PKHD1L1: variants seen among roughly 807,000 people sequenced by gnomAD.
PKHD1L1 encodes the protein fibrocystin-L.
PKHD1L1 carries 434 observed loss-of-function variants against 462.9 expected under a neutral mutation model. That is an observed-to-expected ratio of 0.94 (90% confidence interval 0.87 to 1.02). The LOEUF is 1.02. Ranked by LOEUF, PKHD1L1 falls within the 50% of genes least tolerant of loss-of-function variation. The probability of loss-of-function intolerance (pLI) is 0.00; values close to 1 mark genes in which losing one functional copy is unlikely to be tolerated. For missense variants in PKHD1L1, 5,202 were observed against 5,096.1 expected, an observed-to-expected ratio of 1.02 and a Z score of -0.63; for synonymous variants, 1,781 against 1,750.0, an observed-to-expected ratio of 1.02 and a Z score of -0.44.
chr8:109,435,418 T>C (rs1411163268), intron 29 of PKHD1L1, 64 bp downstream of exon 29: 1 of 1,529,610 alleles, frequency 6.5e-7, no homozygotes, highest in Non-Finnish European at 8.9e-7. Context: ...AATGTGCTGT[T>C]TCTAGTACAG....
At chr8:109,387,460 G>T (rs931745962) in intron 6 of PKHD1L1, among the ~76,000 whole-genome samples, 1 of 152,134 alleles carries the variant, frequency 6.6e-6, no homozygotes, top group African/African-American at 2.4e-5. Flanking sequence ...GTTATTGTCT[G>T]CAGGCTTGGG....
intron 46 of PKHD1L1, among the ~76,000 whole-genome samples, chr8:109,458,135 CCTTA>C (rs1803820344): frequency 6.6e-6 from 1 of 152,012 alleles, no homozygotes; most frequent in Admixed American, 6.6e-5. Flanking sequence ...TCTATTTTAT[CCTTA>C]CTATCCTTTG....
intron 55 of PKHD1L1, 51 bp downstream of exon 55, chr8:109,480,190 T>C (rs886106242): frequency 4.0e-6 from 6 of 1,483,730 alleles, no homozygotes; most frequent in East Asian, 2.5e-5. Context: ...AATTCTAAAA[T>C]GTGTATTTAC....
At chr8:109,412,590 A>C (rs1409832156) in intron 20 of PKHD1L1, among the ~76,000 whole-genome samples, 176 bp downstream of exon 20, 1 of 152,130 alleles carries the variant, frequency 6.6e-6, no homozygotes, top group Non-Finnish European at 1.5e-5. Flanking sequence ...GATTCTCAAA[A>C]TAATAGATAT....
rs1372975531 is a variant in PKHD1L1, at chr8:109,473,530, AG to A, written c.8606-1587del. On this transcript the variant is annotated intron_variant, in intron 50 of 77. Coordinates refer to ENST00000378402, the MANE Select transcript of PKHD1L1 (RefSeq NM_177531.6). The stretch of plus-strand genomic sequence containing the variant: ...GACTCCATCTCAAGAAAAAAAAAAA[AG>A]AAAAGAAAAAGAAAGAAAAGAACTC... 2.0e-5 allele frequency among the ~76,000 whole-genome samples: 3 copies of A among 151,020 alleles called. 1 individual carries two copies. The highest frequency in any genetic ancestry group is 4.2e-4 in the South Asian group (2 of 4,812).
chr8:109,406,418 G>C lies in PKHD1L1; in HGVS notation c.1753G>C (p.Val585Leu), dbSNP rs1466839731. ...GTCTATAAAACCGGACACAGTTCAA[G>C]TAATAAGAACACAAAATCCCCAGAG... ...LWSIKPDTVQ[V>L]IRTQNPQSYV... Residue 585 changes from valine (V) to leucine (L), a missense_variant, in exon 17 of 78, where the codon GTA becomes CTA. By Grantham distance (32) the Val-to-Leu change is conservative. Around this residue, in one of 3 missense-constraint regions of PKHD1L1, gnomAD observed 4,497 missense variants for 4,336.8 expected, o/e 1.04. Transcript: ENST00000378402. The C allele has an allele frequency of 1.9e-6, 3 of 1,594,012 alleles. No individual in the cohort carries two copies. Among genetic ancestry groups the C allele is most frequent in the Non-Finnish European group, 2.6e-6 (3 of 1,169,620 alleles).
chr8:109,410,712 T>G (rs149882116), intron 19 of PKHD1L1, among the ~76,000 whole-genome samples: 200 of 125,496 alleles, frequency 1.6e-3, no homozygotes, highest in African/African-American at 5.9e-3. Context: ...TCTTTTTTCT[T>G]TTCTTTTCTT....
In PKHD1L1 at chr8:109,444,811, T is replaced by C; in HGVS notation, c.4942T>C (p.Ser1648Pro). 3 of 1,614,010 alleles carry C rather than the reference T, an allele frequency of 1.9e-6. No homozygotes were observed. The highest frequency in any genetic ancestry group is 2.5e-6 in the Non-Finnish European group (3 of 1,179,894). The change falls in exon 38 of 78, where the codon TCC becomes CCC. Residue 1648 changes from serine (S) to proline (P), a missense_variant. By Grantham distance (74) the Ser-to-Pro change is moderately conservative. This residue lies in a region of PKHD1L1 where 4,497 missense variants were observed against 4,336.8 expected (regional missense o/e 1.04). Transcript: ENST00000378402. ...YNLGTAINTL[S>P]NEFDRRFVLL... Reference sequence around the variant, plus strand: ...CCTGGGCACTGCTATCAATACGTTGTCCAATGAATTTGATAGGCGATTTGT... The same window carrying C: ...CCTGGGCACTGCTATCAATACGTTGCCCAATGAATTTGATAGGCGATTTGT...
At chr8:109,366,420 G>C (rs1811234196) in intron 2 of PKHD1L1, among the ~76,000 whole-genome samples, 1 of 152,182 alleles carries the variant, frequency 6.6e-6, no homozygotes, top group African/African-American at 2.4e-5. Flanking sequence ...GCAGAGAATA[G>C]AATAGCGGTC....
chr8:109,444,731 C>G lies in PKHD1L1; in HGVS notation c.4862C>G (p.Pro1621Arg). 6.2e-7 allele frequency: 1 copy of G among 1,613,916 alleles called. No homozygotes were observed. Among genetic ancestry groups the G allele is most frequent in the Non-Finnish European group, 8.5e-7 (1 of 1,179,842 alleles). The change falls in exon 38 of 78, where the codon CCT becomes CGT. Residue 1621 changes from proline (P) to arginine (R), a missense_variant. This residue lies in a region of PKHD1L1 where 4,497 missense variants were observed against 4,336.8 expected (regional missense o/e 1.04). Transcript: ENST00000378402. ...GATTCAATTACATGTCATATTGACC[C>G]TCAAAACTCAATGGATGTTGGTATC... Reference protein sequence around the residue: ...SEDSITCHIDPQNSMDVGIRE... With the variant: ...SEDSITCHIDRQNSMDVGIRE...
Position 109,445,031 on chromosome 8 carries a change from T to C in PKHD1L1, c.5162T>C (p.Leu1721Pro). ...GAAACATCCCCTGCTGCCCAACAGC[T>C]TGTGGATGTAGATCTTCTAATACAT... The part of the protein sequence containing the change: ...ECETSPAAQQ[L>P]VDVDLLIHGV... The change falls in exon 38 of 78, where the codon CTT becomes CCT. Residue 1721 changes from leucine to proline, a missense_variant. Coordinates refer to ENST00000378402, the MANE Select transcript of PKHD1L1 (RefSeq NM_177531.6). 6.2e-7 allele frequency: 1 copy of C among 1,613,982 alleles called. No individual in the cohort carries two copies. The highest frequency in any genetic ancestry group is 8.5e-7 in the Non-Finnish European group (1 of 1,179,884).
chr8:109,409,192 T>A (rs1813711188), intron 18 of PKHD1L1, among the ~76,000 whole-genome samples: 1 of 152,230 alleles, frequency 6.6e-6, no homozygotes, highest in South Asian at 2.1e-4. Flanking sequence ...TTCTGCATAA[T>A]CTGCAATAAT....
At chr8:109,481,612 TTTA>T in intron 56 of PKHD1L1, 50 bp downstream of exon 56, 2 of 1,457,836 alleles carry the variant, frequency 1.4e-6, no homozygotes, top group South Asian at 3.1e-5. Flanking sequence ...AAGAATCTAC[TTTA>T]AAATATATGG....
chr8:109,406,926 AT>A (rs1199107983), intron 17 of PKHD1L1, among the ~76,000 whole-genome samples: 1 of 131,490 alleles, frequency 7.6e-6, no homozygotes, highest in Non-Finnish European at 1.7e-5. Flanking sequence ...GTCCTGCAGT[AT>A]TAAAAAAAAA....
intron 50 of PKHD1L1, among the ~76,000 whole-genome samples, chr8:109,474,662 G>A (rs868582885): frequency 1.3e-5 from 2 of 152,054 alleles, no homozygotes; most frequent in Non-Finnish European, 2.9e-5. Flanking sequence ...CAGAGCTTAT[G>A]TTTTTATATA....
intron 47 of PKHD1L1, 29 bp downstream of exon 47, chr8:109,459,865 T>A (rs755360499): frequency 2.5e-6 from 4 of 1,583,728 alleles, no homozygotes; most frequent in Middle Eastern, 1.8e-4. Context: ...GTGGTTGGTA[T>A]AATCATGCCA....
rs1813211989 is a variant in PKHD1L1 at position 109,400,352 on chromosome 8, A to G, written c.1281+8A>G. On this transcript the variant is annotated splice_region_variant and intron_variant, in intron 13 of 77. Coordinates refer to ENST00000378402, the MANE Select transcript of PKHD1L1 (RefSeq NM_177531.6). ...GGACTTCCAGAAGATAAGGTAGGGA[A>G]GCCTCAGAATACTATTTGATACTGT... 1.9e-6 allele frequency: 3 copies of G among 1,611,082 alleles called. No individual in the cohort carries two copies. Among genetic ancestry groups the G allele is most frequent in the Non-Finnish European group, 2.5e-6 (3 of 1,178,132 alleles).
At position 109,436,514 on chromosome 8, in the gene PKHD1L1, T is replaced by C. The variant is rs113863282; in HGVS notation, c.3627+55T>C. 4.3e-3 allele frequency: 6,816 copies of C among 1,594,104 alleles called. 140 individuals carry two copies. The highest frequency in any genetic ancestry group is 0.037 in the African/African-American group (2,735 of 74,054). Reference sequence around the variant, plus strand: ...CTCCTAAGTCTGAAATCTTATAAATTAGGAAACATCTCAGTGGGGCGGGGG... The same window carrying C: ...CTCCTAAGTCTGAAATCTTATAAATCAGGAAACATCTCAGTGGGGCGGGGG... On this transcript the variant is annotated intron_variant, in intron 30 of 77. Coordinates refer to ENST00000378402, the MANE Select transcript of PKHD1L1 (RefSeq NM_177531.6).
chr8:109,415,001 AT>A (rs1814069397), intron 21 of PKHD1L1, among the ~76,000 whole-genome samples: 1 of 125,786 alleles, frequency 8.0e-6, no homozygotes, highest in Non-Finnish European at 1.6e-5. Flanking sequence ...TATTATTATT[AT>A]TATTATTATT....
Sources: allele counts gnomAD v4.1 joint callset (sites outside exome capture counted in the v4.1 genomes callset), GRCh38; gene constraint gnomAD v4.1.1; regional missense constraint gnomAD v4.1.1; transcripts MANE v1.5; gene names NCBI Gene and HGNC (gene_info 2026-07-23, HGNC 2026-07-21).